RSPH6A: variants seen among roughly 807,000 people sequenced by gnomAD.
The protein encoded by RSPH6A is radial spoke head protein 6 homolog A.
In RSPH6A, 49 loss-of-function variants were observed where a neutral mutation model predicts 66.1. The observed-to-expected ratio is 0.74, with a 90% CI of 0.59 to 0.94. RSPH6A has a LOEUF of 0.94. Ranked by LOEUF, RSPH6A falls within the 40% of genes least tolerant of loss-of-function variation. RSPH6A has a pLI of 0.00. For missense variants in RSPH6A, 977 were observed against 948.3 expected (o/e 1.03, Z -0.40); for synonymous variants, 419 against 402.4 (o/e 1.04, Z -0.49).
At position 45,814,795 on chromosome 19, in the gene RSPH6A, T is replaced by C. The variant is rs781663293; in HGVS notation, c.382A>G (p.Ser128Gly). ...LMLQRLQQGQSSLFQQLDPTF... is the reference protein window; with the variant it reads ...LMLQRLQQGQGSLFQQLDPTF... ...GGGTCCAGTTGCTGGAACAGGCTGC[T>C]TTGGCCCTGCTGGAGCCGCTGCAGC... Residue 128 changes from serine to glycine, a missense_variant, in exon 1 of 6, where the codon AGC becomes GGC. By Grantham distance (56) the Ser-to-Gly change is moderately conservative. Transcript: ENST00000221538. 6.2e-7 allele frequency: 1 copy of C among 1,613,824 alleles called. No homozygotes were observed. The highest frequency in any genetic ancestry group is 8.5e-7 in the Non-Finnish European group (1 of 1,179,908).
At position 45,804,729 on chromosome 19, in the gene RSPH6A, G is replaced by A. The variant is rs368595930; in HGVS notation, c.1176C>T (p.Gly392=). 2.0e-5 allele frequency: 33 copies of A among 1,612,824 alleles called. No individual in the cohort carries two copies. Among genetic ancestry groups the A allele is most frequent in the African/African-American group, 1.1e-4 (8 of 74,764 alleles). Residue 392 remains glycine, a synonymous_variant, in exon 3 of 6, where the codon GGC becomes GGT. Coordinates refer to ENST00000221538, the MANE Select transcript of RSPH6A (RefSeq NM_030785.4). The surrounding 1 kb of genome is among the most constrained non-coding windows in gnomAD (Gnocchi z 5.8). ...CCACGGCCTTCTCCTCGTCCTCCTC[G>A]CCCTCCTCCTCGCCGTGCGCCTCCA... ...EVMEAHGEEE[G]EEDEEKAVDI... is the part of the protein sequence containing the mutation.
In RSPH6A at chr19:45,804,553, T is replaced by C; in HGVS notation, c.1352A>G (p.Asn451Ser). Residue 451 changes from asparagine (N) to serine (S), a missense_variant, in exon 3 of 6, where the codon AAC becomes AGC. Coordinates refer to ENST00000221538, the MANE Select transcript of RSPH6A (RefSeq NM_030785.4). This position sits in a 1 kb window ranked among gnomAD's most constrained non-coding sequence, Gnocchi z 5.8. ...GAAGAACTTCTTGATCTTTCGGGCGTTCACGATCTGGGCTGGAGTGACGTG... is the reference window on the plus strand; with the variant it reads ...GAAGAACTTCTTGATCTTTCGGGCGCTCACGATCTGGGCTGGAGTGACGTG... ...LPHVTPAQIV[N>S]ARKIKKFFTG... 1 of 1,614,168 alleles carries C rather than the reference T, an allele frequency of 6.2e-7. No homozygotes were observed. Among genetic ancestry groups the C allele is most frequent in the Non-Finnish European group, 8.5e-7 (1 of 1,180,024 alleles).
chr19:45,808,666 T>A (rs1414523873), intron 2 of RSPH6A, among the ~76,000 whole-genome samples: 1 of 148,310 alleles, frequency 6.7e-6, no homozygotes, highest in African/African-American at 2.5e-5. Flanking sequence ...TCTTTTTTTT[T>A]TTTTTTTTTT....
intron 2 of RSPH6A, among the ~76,000 whole-genome samples, chr19:45,806,547 T>G (rs1161839843): frequency 2.6e-5 from 4 of 151,186 alleles, no homozygotes; most frequent in Non-Finnish European, 5.9e-5. Flanking sequence ...GGTGGGCGCC[T>G]GTAGTCCCAG....
chr19:45,803,745 C>A (rs1369533540), intron 3 of RSPH6A, among the ~76,000 whole-genome samples: 3 of 149,336 alleles, frequency 2.0e-5, no homozygotes, highest in Admixed American at 6.7e-5. Flanking sequence ...ATAATCCTAG[C>A]ACTTTGGGAG....
chr19:45,800,077 CAAG>C lies in RSPH6A; in HGVS notation c.1916+366_1916+368del, dbSNP rs145550339. On this transcript the variant is annotated intron_variant, in intron 5 of 5. Transcript: ENST00000221538. Reference sequence around the variant, plus strand: ...AAACAAAACAAAACAAAACCACAAACAAGAAGAACTGTCCAGGGGACCCCAGGG... The same window carrying C: ...AAACAAAACAAAACAAAACCACAAACAAGAACTGTCCAGGGGACCCCAGGG... Among the ~76,000 whole-genome samples, 168 of 152,228 alleles carry C rather than the reference CAAG, an allele frequency of 1.1e-3. 4 individuals carry two copies. In the East Asian group the frequency reaches 0.031, roughly 28 times the overall value.
At position 45,804,201 on chromosome 19, in the gene RSPH6A, G is replaced by A. The variant is rs368252642; in HGVS notation, c.1653+51C>T. On this transcript the variant is annotated intron_variant, in intron 3 of 5. Transcript: ENST00000221538. The surrounding 1 kb of genome is among the most constrained non-coding windows in gnomAD (Gnocchi z 5.8). ...TGATGTCAGTATTGCAGGGTCATGC[G>A]TGAGCCCCCTGCTCCTGCCGTTTGT... 1.9e-5 allele frequency: 28 copies of A among 1,466,810 alleles called. 1 individual carries two copies. Among genetic ancestry groups the A allele is most frequent in the South Asian group, 3.7e-5 (3 of 81,076 alleles). 90.9% of individuals were successfully genotyped at this position (1,466,810 alleles called of 1,614,324 possible). A position where few individuals can be genotyped will look rare whatever the true frequency, so the allele number is the denominator to read the frequency against.
intron 5 of RSPH6A, 59 bp downstream of exon 5, chr19:45,800,387 C>A: frequency 6.6e-7 from 1 of 1,517,566 alleles, no homozygotes; most frequent in Non-Finnish European, 9.1e-7. Context: ...CCCAGCCCAA[C>A]CAGGCTTGAA....
intron 2 of RSPH6A, among the ~76,000 whole-genome samples, chr19:45,809,459 C>T (rs1245414492): frequency 2.0e-5 from 3 of 151,624 alleles, no homozygotes; most frequent in Non-Finnish European, 4.4e-5. Flanking sequence ...TGCCCGCCAC[C>T]ATGCCCGGCT....
intron 5 of RSPH6A, among the ~76,000 whole-genome samples, chr19:45,797,363 A>G (rs551558489): frequency 1.3e-5 from 2 of 151,058 alleles, no homozygotes; most frequent in African/African-American, 4.9e-5. Context: ...CCTGGGTGAC[A>G]GAGTGAGACT....
At chr19:45,807,758 G>A (rs909890718) in intron 2 of RSPH6A, among the ~76,000 whole-genome samples, 3 of 151,496 alleles carry the variant, frequency 2.0e-5, no homozygotes, top group East Asian at 2.0e-4. Context: ...TGATCTGCCC[G>A]CTTTGGCCTC....
rs1256521405 is a variant in RSPH6A at position 45,810,586 on chromosome 19, C to A, written c.888+17G>T. Reference sequence around the variant, plus strand: ...CCACTGACCCTGATGCCCACCTCTCCTGACTGGCTCACTCACCACCTCCTC... The same window carrying A: ...CCACTGACCCTGATGCCCACCTCTCATGACTGGCTCACTCACCACCTCCTC... On this transcript the variant is annotated intron_variant, in intron 2 of 5. Coordinates refer to ENST00000221538, the MANE Select transcript of RSPH6A (RefSeq NM_030785.4). The A allele has an allele frequency of 6.2e-7, 1 of 1,611,984 alleles. No homozygotes were observed. Among genetic ancestry groups the A allele is most frequent in the East Asian group, 2.2e-5 (1 of 44,874 alleles).
At position 45,810,836 on chromosome 19, in the gene RSPH6A, C is replaced by T. The variant is rs778938225; in HGVS notation, c.655G>A (p.Glu219Lys). Residue 219 changes from glutamate (E) to lysine (K), a missense_variant, in exon 2 of 6, where the codon GAG (glutamate) becomes AAG (lysine). Coordinates refer to ENST00000221538, the MANE Select transcript of RSPH6A (RefSeq NM_030785.4). ...TSINCDLSLY[E>K]HLVNLLTKIL... ...TTGGTCAGCAGATTCACCAGGTGCT[C>T]GTACCTGCCTCCCGCAGGAGGAGTG... is the stretch of plus-strand genomic sequence containing the variant. The T allele has an allele frequency of 4.4e-5, 70 of 1,606,552 alleles. No homozygotes were observed. The highest frequency in any genetic ancestry group is 5.5e-5 in the Non-Finnish European group (64 of 1,174,282).
chr19:45,815,077 G>C lies in RSPH6A; in HGVS notation c.100C>G (p.Gln34Glu), dbSNP rs759298444. 6.2e-7 allele frequency: 1 copy of C among 1,613,442 alleles called. No homozygotes were observed. The highest frequency in any genetic ancestry group is 1.1e-5 in the South Asian group (1 of 91,084). The change falls in exon 1 of 6, where the codon CAG becomes GAG. Residue 34 changes from glutamine (Q) to glutamate (E), a missense_variant. By Grantham distance (29) the Gln-to-Glu change is conservative (BLOSUM62 2). Transcript: ENST00000221538. The stretch of plus-strand genomic sequence containing the variant: ...TCCTCGGGGTCCGCTGCCAGGGCCT[G>C]AGCTTGGTCCCGACTGTGCCGCCTC... ...SQRRHSRDQA[Q>E]ALAADPEERQ...
Position 45,815,201 on chromosome 19 carries a change from TAGG to T in RSPH6A, c.-28_-26del. 1 of 1,557,738 alleles carries T rather than the reference TAGG, an allele frequency of 6.4e-7. No individual in the cohort carries two copies. The highest frequency in any genetic ancestry group is 8.6e-7 in the Non-Finnish European group (1 of 1,157,212). ...TGGTTCGCCAGGAGGCACAGATCTC[TAGG>T]AGAAAGGCTTGCAGACAAGGAGGCC... On this transcript the variant is annotated 5_prime_UTR_variant, in exon 1 of 6. Transcript: ENST00000221538.
At chr19:45,812,608 G>C (rs1250621945) in intron 1 of RSPH6A, among the ~76,000 whole-genome samples, 1 of 152,112 alleles carries the variant, frequency 6.6e-6, no homozygotes, top group East Asian at 1.9e-4. Context: ...GGTTAATTCT[G>C]ACTAGATTCT....
intron 2 of RSPH6A, among the ~76,000 whole-genome samples, chr19:45,809,368 G>A (rs1375236887): frequency 8.0e-6 from 1 of 124,882 alleles, no homozygotes; most frequent in African/African-American, 3.1e-5. Flanking sequence ...GTAGTGGTGC[G>A]ACCTCCCCTC....
At chr19:45,805,999 G>A (rs1970538513) in intron 2 of RSPH6A, among the ~76,000 whole-genome samples, 1 of 152,130 alleles carries the variant, frequency 6.6e-6, no homozygotes, top group Non-Finnish European at 1.5e-5. Flanking sequence ...AAATTGCCTG[G>A]TCCCCAGTAG....
At position 45,804,744 on chromosome 19, in the gene RSPH6A, G is replaced by T; in HGVS notation, c.1161C>A (p.His387Gln). 1 of 1,610,356 alleles carries T rather than the reference G, an allele frequency of 6.2e-7. No individual in the cohort carries two copies. Among genetic ancestry groups the T allele is most frequent in the South Asian group, 1.1e-5 (1 of 90,898 alleles). Residue 387 changes from histidine to glutamine, a missense_variant, in exon 3 of 6, where the codon CAC (histidine) becomes CAA (glutamine). His to Gln is a conservative substitution (Grantham distance 24). Coordinates refer to ENST00000221538, the MANE Select transcript of RSPH6A (RefSeq NM_030785.4). This position sits in a 1 kb window ranked among gnomAD's most constrained non-coding sequence, Gnocchi z 5.8. ...CGTCCTCCTCGCCCTCCTCCTCGCC[G>T]TGCGCCTCCATGACCTCGCCACCTT... is the stretch of plus-strand genomic sequence containing the variant. ...MTEGGEVMEA[H>Q]GEEEGEEDEE...
Sources: allele counts gnomAD v4.1 joint callset (sites outside exome capture counted in the v4.1 genomes callset), GRCh38; gene constraint gnomAD v4.1.1; non-coding constraint Gnocchi (gnomAD v3.1); transcripts MANE v1.5; gene names NCBI Gene and HGNC (gene_info 2026-07-23, HGNC 2026-07-21).